Variants in PGCKA1 observed in about 807,000 individuals in gnomAD.
The protein encoded by PGCKA1 is PDCD10 and GCKIII kinases-associated protein 1.
the PGCKA1 span, among the ~76,000 whole-genome samples, chr4:37,468,245 C>G: frequency 9.2e-5 from 14 of 152,224 alleles, no homozygotes; most frequent in African/African-American, 3.4e-4. Flanking sequence ...TCATATCTCA[C>G]AGAGACACAG....
At chr4:37,587,094 T>TG in the PGCKA1 span, among the ~76,000 whole-genome samples, 1 of 152,104 alleles carries the variant, frequency 6.6e-6, no homozygotes, top group Non-Finnish European at 1.5e-5. Context: ...TCTTCCAGCT[T>TG]GGGGGGCTGC....
At chr4:37,590,420 C>G in the PGCKA1 span, 1 of 1,613,306 alleles carries the variant, frequency 6.2e-7, no homozygotes, top group South Asian at 1.1e-5. Context: ...GACAGGGGCT[C>G]CTGGGCCAGT....
the PGCKA1 span, among the ~76,000 whole-genome samples, chr4:37,457,309 T>A: frequency 3.1e-3 from 476 of 152,328 alleles, 2 homozygotes; most frequent in South Asian, 0.016. Context: ...GCCTTTCTTT[T>A]TTATTGTTTT....
chr4:37,584,303 G>A, the PGCKA1 span: 1 of 152,244 alleles, frequency 6.6e-6, no homozygotes, highest in Non-Finnish European at 1.5e-5. Flanking sequence ...GGAAAACTCA[G>A]GGCGAGGTGA....
the PGCKA1 span, among the ~76,000 whole-genome samples, chr4:37,515,192 C>T: frequency 6.6e-6 from 1 of 152,100 alleles, no homozygotes; most frequent in Non-Finnish European, 1.5e-5. Context: ...TCTCTTCCTG[C>T]CATATAAAGA....
the PGCKA1 span, chr4:37,589,043 TATA>T: frequency 1.7e-6 from 1 of 579,164 alleles, no homozygotes; most frequent in African/African-American, 1.9e-5. Context: ...TTGGAATTGT[TATA>T]ATATCATTTA....
the PGCKA1 span, among the ~76,000 whole-genome samples, chr4:37,506,447 C>T: frequency 6.6e-6 from 1 of 151,900 alleles, no homozygotes; most frequent in Non-Finnish European, 1.5e-5. Flanking sequence ...TCATTGTATC[C>T]TATAGCTTTT....
At chr4:37,479,413 C>G in the PGCKA1 span, among the ~76,000 whole-genome samples, 1 of 151,968 alleles carries the variant, frequency 6.6e-6, no homozygotes, top group Admixed American at 6.6e-5. Context: ...CAGATAGGCC[C>G]TCCCCAAACT....
At chr4:37,538,857 G>T in the PGCKA1 span, among the ~76,000 whole-genome samples, 25 of 152,328 alleles carry the variant, frequency 1.6e-4, no homozygotes, top group African/African-American at 6.0e-4. Flanking sequence ...GCCTGTTATA[G>T]TCAGCACTGT....
chr4:37,524,979 G>T, the PGCKA1 span, among the ~76,000 whole-genome samples: 1 of 152,200 alleles, frequency 6.6e-6, no homozygotes, highest in Non-Finnish European at 1.5e-5. Flanking sequence ...AGGGTGTCCA[G>T]ATTTAAGATG....
chr4:37,575,692 G>C, the PGCKA1 span, among the ~76,000 whole-genome samples: 1 of 152,008 alleles, frequency 6.6e-6, no homozygotes, highest in Non-Finnish European at 1.5e-5. Context: ...ATGTCCTGGA[G>C]ACTTTCCCTT....
chr4:37,505,948 A>T, the PGCKA1 span, among the ~76,000 whole-genome samples: 1 of 152,230 alleles, frequency 6.6e-6, no homozygotes, highest in Non-Finnish European at 1.5e-5. Flanking sequence ...TTTTTATTAC[A>T]ACTTTGATCT....
the PGCKA1 span, among the ~76,000 whole-genome samples, chr4:37,573,967 A>G: frequency 1.3e-5 from 2 of 152,162 alleles, no homozygotes; most frequent in Non-Finnish European, 2.9e-5. Context: ...AGGTGGGTGG[A>G]TCACGAGGTC....
the PGCKA1 span, among the ~76,000 whole-genome samples, chr4:37,532,039 AC>A: frequency 6.6e-6 from 1 of 152,150 alleles, no homozygotes. Flanking sequence ...GTGCTACCAT[AC>A]ATCCTTTCCA....
chr4:37,500,280 C>T, the PGCKA1 span, among the ~76,000 whole-genome samples: 1 of 152,222 alleles, frequency 6.6e-6, no homozygotes, highest in Non-Finnish European at 1.5e-5. Context: ...CCTCTTAACA[C>T]TGCCTTAGCA....
the PGCKA1 span, among the ~76,000 whole-genome samples, chr4:37,593,233 A>G: frequency 6.6e-6 from 1 of 152,136 alleles, no homozygotes; most frequent in Non-Finnish European, 1.5e-5. Context: ...GTTGTATGGG[A>G]CGAGTGTTTT....
the PGCKA1 span, among the ~76,000 whole-genome samples, chr4:37,465,343 A>G: frequency 6.6e-6 from 1 of 152,096 alleles, no homozygotes; most frequent in African/African-American, 2.4e-5. Flanking sequence ...AAAGGTGAAC[A>G]AAATGGACCT....
At chr4:37,588,242 C>T in the PGCKA1 span, 1 of 152,344 alleles carries the variant, frequency 6.6e-6, no homozygotes, top group Non-Finnish European at 1.5e-5. Flanking sequence ...AACAGGTCCA[C>T]AAATCATAGC....
chr4:37,571,355 C>CTTTTTTTCCT, the PGCKA1 span, among the ~76,000 whole-genome samples: 1,244 of 78,172 alleles, frequency 0.016, 76 homozygotes, highest in African/African-American at 0.065. Flanking sequence ...GACTATTATC[C>CTTTTTTTCCT]TTTTTTTTTT....
Sources: allele counts gnomAD v4.1 joint callset (sites outside exome capture counted in the v4.1 genomes callset), GRCh38; gene constraint gnomAD v4.1.1; transcripts MANE v1.5; gene names NCBI Gene and HGNC (gene_info 2026-07-23, HGNC 2026-07-21).